NARF: variants seen among roughly 807,000 people sequenced by gnomAD.
NARF encodes the protein nuclear prelamin A recognition factor.
NARF carries 41 observed loss-of-function variants against 48.0 expected under a neutral mutation model. The observed-to-expected ratio is 0.85, with a 90% CI of 0.66 to 1.11. The LOEUF (loss-of-function observed/expected upper bound fraction) is 1.11, where lower values mean the gene tolerates loss of function less well. Among genes scored for constraint, NARF ranks in the 50% least tolerant of loss-of-function variants. NARF has a pLI of 0.00. For missense variants in NARF, 613 were observed against 590.2 expected (o/e 1.04, Z -0.40); for synonymous variants, 215 against 225.5 (o/e 0.95, Z 0.42).
chr17:82,475,507 G>T (rs1359126137), intron 5 of NARF, among the ~76,000 whole-genome samples: 1 of 152,174 alleles, frequency 6.6e-6, no homozygotes, highest in Non-Finnish European at 1.5e-5. Flanking sequence ...TGAGGTGGGA[G>T]CTTCACTGGA....
chr17:82,478,134 C>A (rs181791126), intron 5 of NARF, among the ~76,000 whole-genome samples: 1 of 152,250 alleles, frequency 6.6e-6, no homozygotes, highest in East Asian at 1.9e-4. Context: ...CTGGGCTGTA[C>A]GCCTGCGGGA....
chr17:82,458,399 G>A (rs2043336811), upstream of NARF: 1 of 180,206 alleles, frequency 5.5e-6, no homozygotes, highest in African/African-American at 2.4e-5. Context: ...TTGGCCTCGG[G>A]ACAGTCCGCG....
At chr17:82,459,097 CCT>C (rs1372931596) in intron 1 of NARF, 1 of 1,188,646 alleles carries the variant, frequency 8.4e-7, no homozygotes, top group Non-Finnish European at 1.0e-6. Flanking sequence ...GGAGACCGAG[CCT>C]CTCGTGCCGC....
chr17:82,487,788 C>CCCAA, intron 10 of NARF, 128 bp from the exon 11 acceptor site: 1 of 759,768 alleles, frequency 1.3e-6, no homozygotes. Flanking sequence ...CCCTCCCGCC[C>CCCAA]AATCTCTACA....
chr17:82,462,375 G>T (rs1391807608), intron 2 of NARF, among the ~76,000 whole-genome samples: 1 of 152,218 alleles, frequency 6.6e-6, no homozygotes, highest in Non-Finnish European at 1.5e-5. Context: ...AGACCGTGAG[G>T]GGGTGACTCA....
At chr17:82,470,748 A>C (rs965973145) in intron 4 of NARF, among the ~76,000 whole-genome samples, 1 of 151,706 alleles carries the variant, frequency 6.6e-6, no homozygotes, top group Admixed American at 6.6e-5. Context: ...ACCGCCTTGG[A>C]CTCCCAAAGT....
In NARF at chr17:82,467,303, TC is replaced by T. The variant is rs1330830197; in HGVS notation, c.253-1458del. ...CTCAGGCTATCCACCAGCCCCGGCC[TC>T]CCAAAGTGCTGGGATTATAGGCATG... On this transcript the variant is annotated intron_variant, in intron 3 of 10. Coordinates refer to ENST00000309794, the MANE Select transcript of NARF (RefSeq NM_012336.4). Among the ~76,000 whole-genome samples, 12 of 152,136 alleles carry T rather than the reference TC, an allele frequency of 7.9e-5. No homozygotes were observed. The South Asian group carries it at 8.3e-4, about 10-fold the overall frequency.
At chr17:82,484,625 A>T in intron 8 of NARF, 188 bp from the exon 9 acceptor site, 1 of 580,198 alleles carries the variant, frequency 1.7e-6, no homozygotes, top group Non-Finnish European at 2.7e-6. Context: ...CCCGAGCATC[A>T]GGCAGGCCCT....
At chr17:82,460,923 T>TTTTTTTTTTTTTTTTTTTGTA in intron 2 of NARF, 1 of 152,190 alleles carries the variant, frequency 6.6e-6, no homozygotes, top group Admixed American at 6.5e-5. Flanking sequence ...TAATTTTTTT[T>TTTTTTTTTTTTTTTTTTTGTA]TTCCCCTTTT....
At chr17:82,481,007 T>A in intron 6 of NARF, 75 bp from the exon 7 acceptor site, 1 of 1,578,942 alleles carries the variant, frequency 6.3e-7, no homozygotes, top group Non-Finnish European at 8.6e-7. Context: ...CTCCCATCCC[T>A]CTTGTTCTGG....
At chr17:82,460,886 CGTG>C (rs2043420393) in intron 2 of NARF, 1 of 152,134 alleles carries the variant, frequency 6.6e-6, no homozygotes, top group Admixed American at 6.6e-5. Context: ...ACAAAGAAAA[CGTG>C]GTGTAATACT....
At chr17:82,459,041 C>T (rs2043360525) in intron 1 of NARF, 1 of 1,206,750 alleles carries the variant, frequency 8.3e-7, no homozygotes, top group Non-Finnish European at 1.0e-6. Context: ...GCGGTTCTCC[C>T]TGAACTTGTC....
At chr17:82,487,781 T>G in intron 10 of NARF, 135 bp from the exon 11 acceptor site, 1 of 279,608 alleles carries the variant, frequency 3.6e-6, no homozygotes, top group Non-Finnish European at 6.9e-6. Flanking sequence ...CACCCGCCCC[T>G]CCCGCCCAAT....
intron 7 of NARF, chr17:82,482,598 C>G (rs1204466954): frequency 6.5e-6 from 1 of 153,038 alleles, no homozygotes; most frequent in African/African-American, 2.4e-5. Flanking sequence ...TTTTTTCAGG[C>G]ATCCTCATGT....
chr17:82,463,638 C>T lies in NARF; in HGVS notation c.109-649C>T, dbSNP rs1465976860. On this transcript the variant is annotated intron_variant, in intron 2 of 10. Transcript: ENST00000309794. Reference sequence around the variant, plus strand: ...GGGCCACTGGCTTTGCCCAGGCCCTCTGTGTGAGGGGCAGCTGTCTGAGCA... The same window carrying T: ...GGGCCACTGGCTTTGCCCAGGCCCTTTGTGTGAGGGGCAGCTGTCTGAGCA... 4 of 152,538 alleles carry T rather than the reference C, an allele frequency of 2.6e-5. No homozygotes were observed. In the East Asian group the frequency reaches 5.8e-4, roughly 22 times the overall value. The allele number at this position is 152,538 out of a possible 1,614,324, so 9.4% of individuals were successfully genotyped here. A position where few individuals can be genotyped will look rare whatever the true frequency, so the allele number is the denominator to read the frequency against.
chr17:82,469,861 C>T (rs73369852), intron 4 of NARF, among the ~76,000 whole-genome samples: 37,604 of 151,698 alleles, frequency 0.25, 5,283 homozygotes, highest in East Asian at 0.67. Flanking sequence ...GCCTTGGCCT[C>T]CCAAAGTGCT....
intron 7 of NARF, 46 bp downstream of exon 7, chr17:82,481,257 A>G (rs1189746686): frequency 1.2e-6 from 2 of 1,607,766 alleles, no homozygotes; most frequent in Non-Finnish European, 1.7e-6. Context: ...GTAATCTCCT[A>G]CTGGCCAGTA....
At chr17:82,461,221 G>T (rs2043428324) in intron 2 of NARF, among the ~76,000 whole-genome samples, 1 of 152,102 alleles carries the variant, frequency 6.6e-6, no homozygotes, top group East Asian at 1.9e-4. Context: ...ACTGCACCTG[G>T]CCTCTCTTCT....
Position 82,478,902 on chromosome 17 carries a change from A to G in NARF, c.623A>G (p.Tyr208Cys), listed in dbSNP as rs1460563680. 3 of 1,613,676 alleles carry G rather than the reference A, an allele frequency of 1.9e-6. No homozygotes were observed. The highest frequency in any genetic ancestry group is 2.5e-6 in the Non-Finnish European group (3 of 1,179,838). The change falls in exon 6 of 11, where the codon TAT (tyrosine) becomes TGT (cysteine). Residue 208 changes from tyrosine (Y) to cysteine (C), a missense_variant. Tyr to Cys is a radical substitution (Grantham distance 194). Transcript: ENST00000309794. ...GTCATGGGCTCTTTGGTGAAGGATT[A>G]TTTCGCCAGACAGCAGGTAAGCTGA... Reference protein sequence around the residue: ...QQVMGSLVKDYFARQQNLSPE... With the variant: ...QQVMGSLVKDCFARQQNLSPE...
Sources: gnomAD v4.1 joint callset for allele counts (sites outside exome capture counted in the v4.1 genomes callset) on GRCh38, gnomAD v4.1.1 for gene constraint, MANE v1.5 for transcripts, NCBI Gene and HGNC (gene_info 2026-07-23, HGNC 2026-07-21) for gene names.